OPCML: variants seen among roughly 807,000 people sequenced by gnomAD.
The protein encoded by OPCML is opioid-binding protein/cell adhesion molecule.
A neutral mutation model predicts 37.8 loss-of-function variants in OPCML; 13 were observed. That is an observed-to-expected ratio of 0.34 (90% CI 0.22 to 0.55). The LOEUF is 0.55. Ranked by LOEUF, OPCML falls within the 20% of genes least tolerant of loss-of-function variation. The pLI, the probability that OPCML is intolerant of heterozygous loss-of-function variation, is 0.91. For synonymous variants in OPCML, 176 were observed against 168.8 expected (o/e 1.04, Z -0.33); for missense variants, 341 against 435.6 (o/e 0.78, Z 1.93).
At position 133,388,568 on chromosome 11, in the gene OPCML, G is replaced by T. The variant is rs75679730; in HGVS notation, c.61+143696C>A. 9.3e-3 allele frequency among the ~76,000 whole-genome samples: 1,411 copies of T among 152,274 alleles called. 9 individuals carry two copies. The highest frequency in any genetic ancestry group is 0.014 in the Non-Finnish European group (957 of 68,020). On this transcript the variant is annotated intron_variant, in intron 1 of 7. Transcript: ENST00000524381. ...TGTAACACTTCAGCTTAATCTCAAC[G>T]TCAAAAAGGGTGTTCAGCCAGGAAT... is the stretch of plus-strand genomic sequence containing the variant.
At chr11:133,006,608 C>A in intron 1 of OPCML, 1 of 985,440 alleles carries the variant, frequency 1.0e-6, no homozygotes, top group East Asian at 1.1e-4. Context: ...CCGAACCATG[C>A]CCCACTGGCC....
chr11:132,662,115 C>T (rs2135788354), intron 2 of OPCML, among the ~76,000 whole-genome samples: 1 of 152,020 alleles, frequency 6.6e-6, no homozygotes, highest in Admixed American at 6.6e-5. Context: ...TAGGGAAATC[C>T]ATGCCTTAAA....
intron 3 of OPCML, among the ~76,000 whole-genome samples, chr11:132,569,073 C>T (rs1457463904): frequency 2.0e-5 from 3 of 152,186 alleles, no homozygotes; most frequent in Non-Finnish European, 4.4e-5. Flanking sequence ...GGGGCAGGTT[C>T]GGCACTCGCC....
At position 133,211,120 on chromosome 11, in the gene OPCML, C is replaced by T; in HGVS notation, c.62-268110G>A. ...GGCTTGCCCACTGCAACTCAGCTTT[C>T]TAATCATTCGTGATTGATGAGCCTG... On this transcript the variant is annotated intron_variant, in intron 1 of 7. Coordinates refer to ENST00000524381, the MANE Select transcript of OPCML (RefSeq NM_001012393.5). The surrounding 1 kb of genome is among the most constrained non-coding windows in gnomAD (Gnocchi z 4.1). Among the ~76,000 whole-genome samples, 4 of 152,310 alleles carry T rather than the reference C, an allele frequency of 2.6e-5. No individual in the cohort carries two copies. Among genetic ancestry groups the T allele is most frequent in the Admixed American group, 2.6e-4 (4 of 15,306 alleles).
intron 1 of OPCML, among the ~76,000 whole-genome samples, chr11:133,045,660 A>G (rs1195067709): frequency 6.6e-6 from 1 of 152,212 alleles, no homozygotes; most frequent in Non-Finnish European, 1.5e-5. Context: ...TCTCCCAATC[A>G]GGAGCATCAC....
Position 133,458,522 on chromosome 11 carries a change from A to G in OPCML, c.61+73742T>C, listed in dbSNP as rs1269600964. On this transcript the variant is annotated intron_variant, in intron 1 of 7. Transcript: ENST00000524381. The stretch of plus-strand genomic sequence containing the variant: ...TGTGTGTGTATATACACATATATAC[A>G]CTGTGTGTGTATACACATATATACA... Among the ~76,000 whole-genome samples, 2 of 112,284 alleles carry G rather than the reference A, an allele frequency of 1.8e-5. 1 individual carries two copies. The highest frequency in any genetic ancestry group is 1.5e-4 in the African/African-American group (2 of 13,246). The allele number at this position is 112,284 out of a possible 152,430, so 73.7% of individuals were successfully genotyped here.
At chr11:133,465,566 G>C (rs1946957589) in intron 1 of OPCML, among the ~76,000 whole-genome samples, 1 of 152,156 alleles carries the variant, frequency 6.6e-6, no homozygotes. Flanking sequence ...TCCTGCCTTT[G>C]TGGAGTTCAC....
chr11:132,886,191 TG>T (rs1341768909), intron 2 of OPCML, among the ~76,000 whole-genome samples: 2 of 152,272 alleles, frequency 1.3e-5, no homozygotes, highest in Non-Finnish European at 2.9e-5. Flanking sequence ...TTTTGTTATT[TG>T]TAAGCATTTA....
At chr11:133,479,445 A>G (rs1261898286) in intron 1 of OPCML, among the ~76,000 whole-genome samples, 1 of 152,222 alleles carries the variant, frequency 6.6e-6, no homozygotes, top group Non-Finnish European at 1.5e-5. Flanking sequence ...AAAGGAGTTA[A>G]GACAGGTAAA....
chr11:132,758,803 G>T (rs1406164005), intron 2 of OPCML, among the ~76,000 whole-genome samples: 1 of 152,036 alleles, frequency 6.6e-6, no homozygotes, highest in Non-Finnish European at 1.5e-5. Flanking sequence ...TCTTGCTCTT[G>T]CCTGATTGTC....
intron 1 of OPCML, among the ~76,000 whole-genome samples, chr11:133,096,130 ATGTG>A (rs59616366): frequency 1.0e-3 from 150 of 150,202 alleles, no homozygotes; most frequent in Non-Finnish European, 1.4e-3. Context: ...TTGTGCACAA[ATGTG>A]TGTGTGTGTG....
chr11:133,099,247 ATC>A (rs1949049938), intron 1 of OPCML, among the ~76,000 whole-genome samples: 1 of 151,594 alleles, frequency 6.6e-6, no homozygotes, highest in East Asian at 1.9e-4. Flanking sequence ...CTTTGCCAAC[ATC>A]TGTTAGTTTT....
At chr11:133,140,973 A>G (rs1156587247) in intron 1 of OPCML, among the ~76,000 whole-genome samples, 1 of 3,058 alleles carries the variant, frequency 3.3e-4, no homozygotes, top group African/African-American at 5.6e-4. Context: ...AAGAAGAAGA[A>G]GAAGAAGAAG....
intron 3 of OPCML, among the ~76,000 whole-genome samples, chr11:132,586,583 T>C (rs1327710341): frequency 6.6e-6 from 1 of 152,192 alleles, no homozygotes; most frequent in Non-Finnish European, 1.5e-5. Flanking sequence ...AATGTGCATT[T>C]ATGGTTTGTC....
At chr11:133,025,390 A>T (rs1947532560) in intron 1 of OPCML, 2 of 985,204 alleles carry the variant, frequency 2.0e-6, no homozygotes, top group Non-Finnish European at 2.4e-6. Context: ...AACCAGTACT[A>T]GCCAAGAGTA....
intron 2 of OPCML, among the ~76,000 whole-genome samples, chr11:132,767,581 G>T (rs894983378): frequency 1.3e-5 from 2 of 152,100 alleles, no homozygotes; most frequent in African/African-American, 2.4e-5. Context: ...TATGCCATTT[G>T]CTCCCTCTGG....
At chr11:132,724,620 A>C (rs1352629971) in intron 2 of OPCML, among the ~76,000 whole-genome samples, 1 of 152,190 alleles carries the variant, frequency 6.6e-6, no homozygotes, top group East Asian at 1.9e-4. Context: ...AGAGTTTCTC[A>C]AAGTCTTAAC....
chr11:133,119,345 A>C (rs573487524), intron 1 of OPCML, among the ~76,000 whole-genome samples: 2 of 151,362 alleles, frequency 1.3e-5, no homozygotes, highest in Admixed American at 6.6e-5. Context: ...TCAAATATAC[A>C]TTTGGAATTC....
chr11:132,900,650 T>G (rs1944025392), intron 2 of OPCML, among the ~76,000 whole-genome samples: 2 of 152,236 alleles, frequency 1.3e-5, no homozygotes, highest in African/African-American at 4.8e-5. Flanking sequence ...CGCTGTGACC[T>G]CCAGCTCCAT....
Sources: gnomAD v4.1 joint callset for allele counts (sites outside exome capture counted in the v4.1 genomes callset) on GRCh38, gnomAD v4.1.1 for gene constraint, Gnocchi (gnomAD v3.1) non-coding constraint, MANE v1.5 for transcripts, NCBI Gene and HGNC (gene_info 2026-07-23, HGNC 2026-07-21) for gene names.